Variants in SOX5 observed in about 807,000 individuals in gnomAD.
SOX5 encodes SRY-box transcription factor 5, also known as transcription factor SOX-5.
A neutral mutation model predicts 92.0 loss-of-function variants in SOX5; 9 were observed. The ratio of observed to expected loss-of-function variants is 0.10; its 90% CI spans 0.06 to 0.17. SOX5 has a LOEUF of 0.17. Among genes scored for constraint, SOX5 ranks in the 10% least tolerant of loss-of-function variants. The pLI, the probability that SOX5 is intolerant of heterozygous loss-of-function variation, is 1.00. For missense variants in SOX5, 642 were observed against 944.5 expected, an observed-to-expected ratio of 0.68 and a Z score of 4.20; for synonymous variants, 344 against 336.3, an observed-to-expected ratio of 1.02 and a Z score of -0.25.
At chr12:23,757,667 T>C in intron 3 of SOX5, among the ~76,000 whole-genome samples, 1 of 151,926 alleles carries the variant, frequency 6.6e-6, no homozygotes, top group East Asian at 1.9e-4. Context: ...CATTAAAAGC[T>C]AACAAACCTT....
chr12:24,443,474 C>A lies in SOX5; in HGVS notation c.-250-74835G>T, dbSNP rs534018781. 2.0e-5 allele frequency among the ~76,000 whole-genome samples: 3 copies of A among 152,228 alleles called. No homozygotes were observed. The South Asian group carries it at 6.2e-4, about 32-fold the overall frequency. On this transcript the variant is annotated intron_variant, in intron 1 of 4. Transcript: ENST00000446891. ...ACATAAACTGTTCAGCATACCAAACCAATTTGATTCTGTCATATCTTGCAG... is the reference window on the plus strand; with the variant it reads ...ACATAAACTGTTCAGCATACCAAACAAATTTGATTCTGTCATATCTTGCAG...
chr12:24,142,863 C>A (rs190555164), intron 4 of SOX5, among the ~76,000 whole-genome samples: 1 of 150,354 alleles, frequency 6.7e-6, no homozygotes, highest in African/African-American at 2.5e-5. Context: ...CTAGATAAGA[C>A]AAACCTGCAT....
chr12:24,478,887 A>C (rs2137763788), intron 1 of SOX5, among the ~76,000 whole-genome samples: 1 of 152,244 alleles, frequency 6.6e-6, no homozygotes, highest in South Asian at 2.1e-4. Context: ...GGAAGGCACC[A>C]CTCATGTGAT....
intron 11 of SOX5, among the ~76,000 whole-genome samples, chr12:23,560,972 A>G (rs1276775342): frequency 6.6e-6 from 1 of 152,188 alleles, no homozygotes; most frequent in Non-Finnish European, 1.5e-5. Flanking sequence ...CCATACTACT[A>G]CAATGATGAA....
chr12:23,897,396 G>A (rs546577657), intron 1 of SOX5, among the ~76,000 whole-genome samples: 34 of 152,120 alleles, frequency 2.2e-4, no homozygotes, highest in African/African-American at 7.9e-4. Flanking sequence ...CAGACAAGTC[G>A]GAATGAAAAT....
intron 6 of SOX5, among the ~76,000 whole-genome samples, chr12:23,683,453 T>C (rs2086971822): frequency 6.6e-6 from 1 of 151,980 alleles, no homozygotes; most frequent in Non-Finnish European, 1.5e-5. Flanking sequence ...CACTCATTCT[T>C]ACTGGATCAT....
At chr12:24,318,794 G>A (rs962958938) in intron 2 of SOX5, among the ~76,000 whole-genome samples, 1 of 152,110 alleles carries the variant, frequency 6.6e-6, no homozygotes, top group African/African-American at 2.4e-5. Context: ...GTGATGCTGG[G>A]GAAAACTGCA....
At chr12:23,802,944 C>A (rs1000998381) in intron 3 of SOX5, among the ~76,000 whole-genome samples, 2 of 152,254 alleles carry the variant, frequency 1.3e-5, no homozygotes, top group East Asian at 3.9e-4. Flanking sequence ...TACTCCCGCC[C>A]CTCTTCCCCA....
At chr12:24,347,888 C>A (rs758670820) in intron 2 of SOX5, among the ~76,000 whole-genome samples, 2 of 151,930 alleles carry the variant, frequency 1.3e-5, no homozygotes, top group African/African-American at 4.8e-5. Flanking sequence ...ATTGATGAAC[C>A]GACCTGGCCC....
chr12:24,168,128 T>G lies in SOX5; in HGVS notation c.-2+45215A>C, dbSNP rs151332847. ...ATACATTATTTAAAATTTATGCATA[T>G]TTTGGAAAACTAGTTGACCTGACAA... On this transcript the variant is annotated intron_variant, in intron 4 of 4. Coordinates refer to the SOX5 transcript ENST00000446891. Among the ~76,000 whole-genome samples, 10 of 152,346 alleles carry G rather than the reference T, an allele frequency of 6.6e-5. No individual in the cohort carries two copies. The East Asian group carries it at 1.9e-3, about 29-fold the overall frequency.
chr12:23,546,460 A>G, intron 11 of SOX5, 36 bp from the exon 12 acceptor site: 1 of 1,179,826 alleles, frequency 8.5e-7, no homozygotes, highest in Middle Eastern at 2.0e-4. Context: ...CAGTCTAGGA[A>G]TTAAAATTAT....
intron 3 of SOX5, among the ~76,000 whole-genome samples, chr12:23,782,104 A>G (rs1166015972): frequency 6.6e-6 from 1 of 152,124 alleles, no homozygotes; most frequent in African/African-American, 2.4e-5. Context: ...ATCCACTAGT[A>G]TATTAAGTAG....
chr12:24,353,798 GC>G (rs1954435462), intron 2 of SOX5, among the ~76,000 whole-genome samples: 1 of 151,984 alleles, frequency 6.6e-6, no homozygotes, highest in Non-Finnish European at 1.5e-5. Context: ...CCGCCACCAC[GC>G]CCAGCTAATT....
intron 9 of SOX5, among the ~76,000 whole-genome samples, chr12:23,600,552 T>TATATATATATATATATATAC (rs745640453): frequency 4.9e-4 from 47 of 95,256 alleles, no homozygotes; most frequent in African/African-American, 5.8e-4. Flanking sequence ...TATATATATA[T>TATATATATATATATATATAC]ACACATACTT....
intron 1 of SOX5, among the ~76,000 whole-genome samples, chr12:24,436,601 G>A (rs779908094): frequency 3.3e-5 from 5 of 152,202 alleles, no homozygotes; most frequent in Non-Finnish European, 5.9e-5. Flanking sequence ...AAAGTGCAAG[G>A]GGAAGCAGCG....
At chr12:24,095,150 G>GAGAGAGAGAGAGAC (rs1945235064) in intron 4 of SOX5, among the ~76,000 whole-genome samples, 18 of 149,820 alleles carry the variant, frequency 1.2e-4, no homozygotes, top group Admixed American at 2.7e-4. Flanking sequence ...GAGAGAGAGA[G>GAGAGAGAGAGAGAC]AGAGAGACAG....
chr12:24,483,395 G>A (rs1946200866), intron 1 of SOX5, among the ~76,000 whole-genome samples: 1 of 152,102 alleles, frequency 6.6e-6, no homozygotes, highest in African/African-American at 2.4e-5. Context: ...CTTGTTTTGG[G>A]CATCCCCATT....
intron 3 of SOX5, among the ~76,000 whole-genome samples, chr12:24,243,455 G>T (rs1342124525): frequency 6.6e-6 from 1 of 152,062 alleles, no homozygotes; most frequent in African/African-American, 2.4e-5. Flanking sequence ...AAAGTAGAAA[G>T]CTCAATAGCA....
chr12:23,894,129 G>A (rs1439650879), intron 2 of SOX5, among the ~76,000 whole-genome samples: 3 of 152,072 alleles, frequency 2.0e-5, no homozygotes, highest in Non-Finnish European at 4.4e-5. Flanking sequence ...ATACCTCACT[G>A]AATTACTGTG....
Sources: allele counts gnomAD v4.1 joint callset (sites outside exome capture counted in the v4.1 genomes callset), GRCh38; gene constraint gnomAD v4.1.1; transcripts MANE v1.5; gene names NCBI Gene and HGNC (gene_info 2026-07-23, HGNC 2026-07-21).